The following TMEM131 variants were observed in gnomAD, a reference collection of about 807,000 sequenced individuals.
TMEM131 encodes the protein transmembrane protein 131.
TMEM131 carries 66 observed loss-of-function variants against 211.6 expected under a neutral mutation model. The ratio of observed to expected loss-of-function variants is 0.31; its 90% CI spans 0.26 to 0.38. TMEM131 has a LOEUF of 0.38. Ranked by LOEUF, TMEM131 falls within the 10% of genes least tolerant of loss-of-function variation. The probability of loss-of-function intolerance (pLI) is 1.00; values close to 1 mark genes in which losing one functional copy is unlikely to be tolerated. For missense variants in TMEM131, 2,036 were observed against 2,299.3 expected (o/e 0.89, Z 2.34); for synonymous variants, 844 against 841.3 (o/e 1.00, Z -0.06).
chr2:97,979,439 T>C (rs1178355038), intron 1 of TMEM131, among the ~76,000 whole-genome samples: 2 of 152,222 alleles, frequency 1.3e-5, no homozygotes, highest in Non-Finnish European at 2.9e-5. Context: ...ATCTGTTGTT[T>C]AGCGTGGCCA....
intron 31 of TMEM131, among the ~76,000 whole-genome samples, chr2:97,776,593 C>T (rs764473175): frequency 1.2e-4 from 19 of 152,278 alleles, no homozygotes; most frequent in Non-Finnish European, 1.9e-4. Flanking sequence ...TGGACAAACT[C>T]GGCAGTTTTG....
chr2:97,776,130 T>C, intron 31 of TMEM131, 112 bp from the exon 32 acceptor site: 1 of 1,108,690 alleles, frequency 9.0e-7, no homozygotes, highest in Non-Finnish European at 1.3e-6. Flanking sequence ...CTTGGCTCAC[T>C]GCAAGCTCCG....
chr2:97,794,068 CTTTCTTT>C (rs1389191978), intron 29 of TMEM131, among the ~76,000 whole-genome samples: 1 of 136,862 alleles, frequency 7.3e-6, no homozygotes, highest in African/African-American at 2.7e-5. Context: ...TTTTCTCTTT[CTTTCTTT>C]TTTTTCCTGA....
chr2:97,781,453 T>C (rs1680001649), intron 31 of TMEM131, among the ~76,000 whole-genome samples: 1 of 152,270 alleles, frequency 6.6e-6, no homozygotes, highest in Admixed American at 6.5e-5. Flanking sequence ...CCAATGAGTT[T>C]GGTTTTTGTG....
At chr2:97,978,785 C>T (rs1679658966) in intron 1 of TMEM131, among the ~76,000 whole-genome samples, 1 of 152,184 alleles carries the variant, frequency 6.6e-6, no homozygotes, top group Admixed American at 6.5e-5. Flanking sequence ...TTCTTCCAAA[C>T]TCTTGTTGAT....
chr2:97,934,470 G>A (rs901432979), intron 1 of TMEM131, among the ~76,000 whole-genome samples: 1 of 152,156 alleles, frequency 6.6e-6, no homozygotes, highest in African/African-American at 2.4e-5. Context: ...TGGGTTTAAT[G>A]TAAACCCTGT....
chr2:97,941,208 A>C (rs1241529265), intron 1 of TMEM131, among the ~76,000 whole-genome samples: 1 of 152,242 alleles, frequency 6.6e-6, no homozygotes, highest in African/African-American at 2.4e-5. Context: ...AACCTGACAA[A>C]AACAAGAAAT....
intron 1 of TMEM131, among the ~76,000 whole-genome samples, chr2:97,978,626 C>T (rs1679652487): frequency 6.6e-6 from 1 of 152,132 alleles, no homozygotes; most frequent in South Asian, 2.1e-4. Flanking sequence ...CTCCATATTC[C>T]TCCCGCCTAG....
chr2:97,812,399 A>G (rs1301199316), intron 17 of TMEM131, 22 bp downstream of exon 17: 6 of 1,590,352 alleles, frequency 3.8e-6, no homozygotes, highest in Admixed American at 3.7e-5. Flanking sequence ...TACTTTAAGG[A>G]GACAATAGAA....
chr2:97,829,360 G>A (rs1682549446), intron 11 of TMEM131, among the ~76,000 whole-genome samples: 1 of 139,292 alleles, frequency 7.2e-6, no homozygotes, highest in Non-Finnish European at 1.7e-5. Flanking sequence ...GATTGTAAAT[G>A]CACCAATCAG....
intron 4 of TMEM131, among the ~76,000 whole-genome samples, chr2:97,878,249 G>A (rs1276822122): frequency 6.6e-6 from 1 of 152,216 alleles, no homozygotes; most frequent in African/African-American, 2.4e-5. Context: ...TACACTGTTG[G>A]TGGGCAGGTA....
chr2:97,760,577 TG>T lies in TMEM131; in HGVS notation c.5108+15del. 1 of 1,602,264 alleles carries T rather than the reference TG, an allele frequency of 6.2e-7. No homozygotes were observed. The highest frequency in any genetic ancestry group is 8.5e-7 in the Non-Finnish European group (1 of 1,173,828). Reference sequence around the variant, plus strand: ...AGCCTTCCGTCTTTCTAGCGGTTAGTGGTGGTCTACCGTACCTGTCTGAGCC... The same window carrying T: ...AGCCTTCCGTCTTTCTAGCGGTTAGTGTGGTCTACCGTACCTGTCTGAGCC... On this transcript the variant is annotated intron_variant, in intron 38 of 40. Transcript: ENST00000186436.
chr2:97,794,802 T>G, intron 29 of TMEM131, 128 bp downstream of exon 29: 1 of 701,240 alleles, frequency 1.4e-6, no homozygotes, highest in South Asian at 2.7e-5. Flanking sequence ...GTGAGATTGA[T>G]AAAGGCAGAG....
At chr2:97,790,578 C>T (rs753309491) in intron 31 of TMEM131, among the ~76,000 whole-genome samples, 7 of 152,292 alleles carry the variant, frequency 4.6e-5, no homozygotes, top group East Asian at 1.9e-4. Flanking sequence ...TGGCCCATCA[C>T]GCTGGTGTTG....
chr2:97,884,630 G>C (rs1675067058), intron 4 of TMEM131, among the ~76,000 whole-genome samples: 1 of 152,124 alleles, frequency 6.6e-6, no homozygotes. Context: ...ATTTCCAACT[G>C]TTATATTTTC....
chr2:97,985,362 T>TAC (rs1276923568), intron 1 of TMEM131, among the ~76,000 whole-genome samples: 1 of 151,572 alleles, frequency 6.6e-6, no homozygotes, highest in Non-Finnish European at 1.5e-5. Context: ...AATACATATA[T>TAC]ATATATACAC....
At chr2:97,849,713 CTCTCT>C (rs1291089705) in intron 5 of TMEM131, among the ~76,000 whole-genome samples, 18 of 134,772 alleles carry the variant, frequency 1.3e-4, no homozygotes, top group East Asian at 2.0e-4. Context: ...ATATCTCTCT[CTCTCT>C]TTTTTTTTTT....
chr2:97,828,315 T>C (rs1393315534), intron 11 of TMEM131, among the ~76,000 whole-genome samples: 1 of 152,086 alleles, frequency 6.6e-6, no homozygotes, highest in Non-Finnish European at 1.5e-5. Flanking sequence ...GAAATGTCTG[T>C]ACGATCCTCA....
At chr2:97,905,629 T>C (rs1676036566) in intron 3 of TMEM131, among the ~76,000 whole-genome samples, 1 of 152,222 alleles carries the variant, frequency 6.6e-6, no homozygotes, top group Non-Finnish European at 1.5e-5. Context: ...TAAGCTTTTC[T>C]TTTGCAATGT....
Sources: gnomAD v4.1 joint callset for allele counts (sites outside exome capture counted in the v4.1 genomes callset) on GRCh38, gnomAD v4.1.1 for gene constraint, MANE v1.5 for transcripts, NCBI Gene and HGNC (gene_info 2026-07-23, HGNC 2026-07-21) for gene names.